CPQ: variants seen among roughly 807,000 people sequenced by gnomAD.
CPQ encodes the protein carboxypeptidase Q, also known as Ser-Met dipeptidase.
In CPQ, 37 loss-of-function variants were observed where a neutral mutation model predicts 45.7. The observed-to-expected ratio is 0.81, with a 90% confidence interval of 0.62 to 1.07. CPQ has a LOEUF of 1.07. Among genes scored for constraint, CPQ ranks in the 50% least tolerant of loss-of-function variants. The pLI, the probability that CPQ is intolerant of heterozygous loss-of-function variation, is 0.00. For missense variants in CPQ, 537 were observed against 572.9 expected, an observed-to-expected ratio of 0.94 and a Z score of 0.64; for synonymous variants, 186 against 205.8, an observed-to-expected ratio of 0.90 and a Z score of 0.82.
At chr8:97,088,061 C>G (rs892323426) in intron 7 of CPQ, among the ~76,000 whole-genome samples, 1 of 152,080 alleles carries the variant, frequency 6.6e-6, no homozygotes, top group African/African-American at 2.4e-5. Context: ...AGAGAATGGG[C>G]TTTTTCACCC....
intron 6 of CPQ, among the ~76,000 whole-genome samples, chr8:97,042,448 A>G (rs1810146156): frequency 6.6e-6 from 1 of 152,098 alleles, no homozygotes; most frequent in Non-Finnish European, 1.5e-5. Flanking sequence ...TCCTGGATTC[A>G]TTAATTTTTT....
chr8:96,978,539 T>TA (rs1813828195), intron 5 of CPQ, among the ~76,000 whole-genome samples: 1 of 152,186 alleles, frequency 6.6e-6, no homozygotes, highest in Non-Finnish European at 1.5e-5. Flanking sequence ...TACAGCATAA[T>TA]AATGACCAGT....
intron 4 of CPQ, among the ~76,000 whole-genome samples, chr8:96,960,874 G>A (rs934185612): frequency 1.9e-4 from 29 of 151,972 alleles, no homozygotes; most frequent in Admixed American, 1.0e-3. Flanking sequence ...ATTTAATAAT[G>A]CATCACTAGG....
At chr8:96,879,610 T>C (rs1210654847) in intron 3 of CPQ, among the ~76,000 whole-genome samples, 188 bp from the exon 4 acceptor site, 1 of 152,246 alleles carries the variant, frequency 6.6e-6, no homozygotes. Flanking sequence ...AAGTTTCTAA[T>C]TTATTCTTAA....
chr8:96,787,090 A>G (rs899270648), intron 2 of CPQ, among the ~76,000 whole-genome samples: 3 of 152,026 alleles, frequency 2.0e-5, no homozygotes, highest in Admixed American at 2.0e-4. Flanking sequence ...ATATCAAACC[A>G]TTGCCTACAC....
chr8:97,103,496 G>C (rs1811352024), intron 7 of CPQ, among the ~76,000 whole-genome samples: 1 of 152,176 alleles, frequency 6.6e-6, no homozygotes, highest in Non-Finnish European at 1.5e-5. Flanking sequence ...AAAGAAAGAT[G>C]AAATCTGATA....
At position 96,899,932 on chromosome 8, in the gene CPQ, A is replaced by G. The variant is rs1448876499; in HGVS notation, c.849+19927A>G. Among the ~76,000 whole-genome samples, 4 of 152,160 alleles carry G rather than the reference A, an allele frequency of 2.6e-5. No individual in the cohort carries two copies. The East Asian group carries it at 5.8e-4, about 22-fold the overall frequency. On this transcript the variant is annotated intron_variant, in intron 4 of 7. Transcript: ENST00000220763. ...AGGAAGACAGTTTCTTCTATCGTCT[A>G]GGGACTTTGAGCCAATTCTTGGGAA...
chr8:96,694,637 A>G (rs1809347151), intron 1 of CPQ, among the ~76,000 whole-genome samples: 1 of 152,132 alleles, frequency 6.6e-6, no homozygotes. Context: ...GGAAACAACA[A>G]ACACACAGAA....
intron 7 of CPQ, among the ~76,000 whole-genome samples, chr8:97,076,945 CAT>C (rs1479060394): frequency 4.6e-5 from 7 of 152,250 alleles, no homozygotes; most frequent in African/African-American, 9.6e-5. Context: ...TTTATGATAA[CAT>C]AGTCAATTAA....
At position 96,688,008 on chromosome 8, in the gene CPQ, T is replaced by G. The variant is rs547085421; in HGVS notation, c.-35+42606T>G. ...CCATATTCTGAAAAAAATTTTTTTT[T>G]GCTTATTCTGTCATGTCCTGAGAGA... On this transcript the variant is annotated intron_variant, in intron 1 of 7. Coordinates refer to ENST00000220763, the MANE Select transcript of CPQ (RefSeq NM_016134.4). Among the ~76,000 whole-genome samples, 70 of 152,210 alleles carry G rather than the reference T, an allele frequency of 4.6e-4. 1 individual carries two copies. Among genetic ancestry groups the G allele is most frequent in the African/African-American group, 1.6e-3 (68 of 41,582 alleles).
intron 4 of CPQ, among the ~76,000 whole-genome samples, chr8:96,925,931 G>C (rs1397354590): frequency 2.6e-5 from 4 of 151,846 alleles, no homozygotes; most frequent in Non-Finnish European, 5.9e-5. Flanking sequence ...CTCGTGATCT[G>C]CCCGCCTTGG....
At chr8:96,963,315 C>CTACTT (rs1195341337) in intron 4 of CPQ, among the ~76,000 whole-genome samples, 30 of 152,218 alleles carry the variant, frequency 2.0e-4, no homozygotes, top group Non-Finnish European at 4.1e-4. Flanking sequence ...GATTACACCA[C>CTACTT]TACTTTCTGA....
chr8:97,044,612 G>A (rs900980245), intron 6 of CPQ, among the ~76,000 whole-genome samples: 2 of 152,128 alleles, frequency 1.3e-5, no homozygotes, highest in Non-Finnish European at 2.9e-5. Context: ...CATCTTTGTG[G>A]TTTTATCTAC....
chr8:96,870,717 A>G (rs1194902147), intron 3 of CPQ, among the ~76,000 whole-genome samples: 5 of 152,068 alleles, frequency 3.3e-5, no homozygotes, highest in Non-Finnish European at 7.4e-5. Flanking sequence ...TGGCAGGCAC[A>G]GGGCAAATGC....
At chr8:96,758,465 C>G (rs190150176) in intron 1 of CPQ, among the ~76,000 whole-genome samples, 2 of 152,274 alleles carry the variant, frequency 1.3e-5, no homozygotes, top group East Asian at 3.9e-4. Flanking sequence ...ACTGATGATA[C>G]ATTAAATGGA....
chr8:96,765,670 T>A (rs553087624), intron 1 of CPQ, among the ~76,000 whole-genome samples: 1 of 152,302 alleles, frequency 6.6e-6, no homozygotes, highest in East Asian at 1.9e-4. Flanking sequence ...ATGGAGACTA[T>A]CCAGTAGGAT....
chr8:96,878,805 T>G (rs906012679), intron 3 of CPQ, among the ~76,000 whole-genome samples: 1 of 152,116 alleles, frequency 6.6e-6, no homozygotes, highest in Non-Finnish European at 1.5e-5. Flanking sequence ...GGCTGTTCTG[T>G]AAATATGAGA....
intron 3 of CPQ, among the ~76,000 whole-genome samples, chr8:96,837,896 A>G (rs977969516): frequency 6.6e-6 from 1 of 152,082 alleles, no homozygotes; most frequent in African/African-American, 2.4e-5. Flanking sequence ...CTTATCAGTC[A>G]TTTCAACAAT....
intron 6 of CPQ, among the ~76,000 whole-genome samples, chr8:97,043,714 A>G (rs943996297): frequency 4.6e-5 from 7 of 152,138 alleles, no homozygotes; most frequent in Admixed American, 2.6e-4. Flanking sequence ...GCTTGTCTGT[A>G]AAGTATTTTA....
Sources: gnomAD v4.1 joint callset for allele counts (sites outside exome capture counted in the v4.1 genomes callset) on GRCh38, gnomAD v4.1.1 for gene constraint, MANE v1.5 for transcripts, NCBI Gene and HGNC (gene_info 2026-07-23, HGNC 2026-07-21) for gene names.